The following PCBD2 variants were observed in gnomAD, a reference collection of about 807,000 sequenced individuals.
The protein encoded by PCBD2 is pterin-4-alpha-carbinolamine dehydratase 2.
A neutral mutation model predicts 16.4 loss-of-function variants in PCBD2; 12 were observed. The observed-to-expected ratio is 0.73, with a 90% CI of 0.47 to 1.19. PCBD2 has a LOEUF of 1.19. Ranked by LOEUF, PCBD2 falls within the 50% of genes most tolerant of loss-of-function variation. The pLI, the probability that PCBD2 is intolerant of heterozygous loss-of-function variation, is 0.00. For synonymous variants in PCBD2, 58 were observed against 61.8 expected, an observed-to-expected ratio of 0.94 and a Z score of 0.29; for missense variants, 138 against 156.8, an observed-to-expected ratio of 0.88 and a Z score of 0.64.
chr5:134,947,560 T>C (rs370376297), intron 2 of PCBD2, among the ~76,000 whole-genome samples: 15 of 152,064 alleles, frequency 9.9e-5, no homozygotes, highest in African/African-American at 3.6e-4. Flanking sequence ...GCTAATTTTT[T>C]GTATTTTTAG....
At chr5:134,917,556 C>T (rs1384964176) in intron 2 of PCBD2, among the ~76,000 whole-genome samples, 2 of 152,166 alleles carry the variant, frequency 1.3e-5, no homozygotes, top group South Asian at 2.1e-4. Flanking sequence ...GTGCTTTCTT[C>T]GGTGGGCCTG....
At chr5:134,936,961 A>G (rs1213985095) in intron 2 of PCBD2, among the ~76,000 whole-genome samples, 3 of 152,218 alleles carry the variant, frequency 2.0e-5, no homozygotes, top group African/African-American at 7.2e-5. Context: ...GTATAGGAAA[A>G]ATGGCTATAA....
At chr5:134,910,777 T>C (rs1428549025) in intron 2 of PCBD2, among the ~76,000 whole-genome samples, 4 of 152,118 alleles carry the variant, frequency 2.6e-5, no homozygotes, top group Non-Finnish European at 5.9e-5. Flanking sequence ...TAAAAGAGAG[T>C]GTAAGCCTTT....
intron 2 of PCBD2, among the ~76,000 whole-genome samples, chr5:134,922,977 A>C (rs1016881024): frequency 6.6e-6 from 1 of 152,202 alleles, no homozygotes; most frequent in Non-Finnish European, 1.5e-5. Flanking sequence ...GCCCGGCCCT[A>C]GGAAGGAAAA....
intron 2 of PCBD2, among the ~76,000 whole-genome samples, chr5:134,935,936 T>C (rs73790737): frequency 0.022 from 3,327 of 152,288 alleles, 106 homozygotes; most frequent in African/African-American, 0.069. Context: ...TTGATCTTTC[T>C]GGAGGGAAGT....
At chr5:134,922,507 G>C (rs990526762) in intron 2 of PCBD2, among the ~76,000 whole-genome samples, 1 of 152,118 alleles carries the variant, frequency 6.6e-6, no homozygotes, top group African/African-American at 2.4e-5. Context: ...ACTTACTGTA[G>C]GCTAGACACT....
chr5:134,956,868 C>T (rs1751421344), intron 2 of PCBD2, among the ~76,000 whole-genome samples: 1 of 152,234 alleles, frequency 6.6e-6, no homozygotes, highest in Non-Finnish European at 1.5e-5. Context: ...ATCTCTTATT[C>T]TGTACCAAGT....
chr5:134,960,438 T>G (rs2149542023), intron 3 of PCBD2, 148 bp from the exon 4 acceptor site: 1 of 597,186 alleles, frequency 1.7e-6, no homozygotes, highest in South Asian at 2.4e-5. Context: ...AATGTTTTGC[T>G]TATTCATAAT....
chr5:134,905,158 G>T lies in PCBD2; in HGVS notation c.19G>T (p.Ala7Ser). 1 of 1,222,076 alleles carries T rather than the reference G, an allele frequency of 8.2e-7. No individual in the cohort carries two copies. Among genetic ancestry groups the T allele is most frequent in the Non-Finnish European group, 1.0e-6 (1 of 982,090 alleles). The allele number at this position is 1,222,076 out of a possible 1,614,324, so 75.7% of individuals were successfully genotyped here. A position where few individuals can be genotyped will look rare whatever the true frequency, so the allele number is the denominator to read the frequency against. MAAVLGALGATRRLLAA... is the reference protein window; with the variant it reads MAAVLGSLGATRRLLAA... ...ACGGCCAATGGCGGCGGTGCTCGGG[G>T]CGCTCGGGGCGACGCGGCGCTTGTT... Residue 7 changes from alanine to serine, a missense_variant, in exon 1 of 4, where the codon GCG (alanine) becomes TCG (serine). Ala to Ser is a moderately conservative substitution (Grantham distance 99). Transcript: ENST00000254908.
chr5:134,947,389 A>ATTTTTTTTTTTTTT (rs1220114582), intron 2 of PCBD2, among the ~76,000 whole-genome samples: 1 of 103,068 alleles, frequency 9.7e-6, no homozygotes, highest in Non-Finnish European at 1.9e-5. Flanking sequence ...CCCGGCCTCA[A>ATTTTTTTTTTTTTT]TTTTTTTTTT....
intron 2 of PCBD2, among the ~76,000 whole-genome samples, chr5:134,953,232 T>C (rs1190916154): frequency 2.0e-5 from 3 of 151,810 alleles, no homozygotes; most frequent in African/African-American, 7.2e-5. Flanking sequence ...AATTATGATA[T>C]GGACTGTGTT....
At chr5:134,955,835 A>G (rs1267735454) in intron 2 of PCBD2, among the ~76,000 whole-genome samples, 1 of 152,210 alleles carries the variant, frequency 6.6e-6, no homozygotes, top group Non-Finnish European at 1.5e-5. Context: ...TAAGCAAGTA[A>G]CTAAGACTGT....
chr5:134,918,964 C>T (rs970991711), intron 2 of PCBD2, among the ~76,000 whole-genome samples: 1 of 152,102 alleles, frequency 6.6e-6, no homozygotes, highest in Non-Finnish European at 1.5e-5. Flanking sequence ...TTTGTAAAAG[C>T]GCATGCAACA....
chr5:134,959,385 C>T (rs1162555803), intron 3 of PCBD2, among the ~76,000 whole-genome samples: 2 of 152,082 alleles, frequency 1.3e-5, no homozygotes, highest in Admixed American at 6.6e-5. Flanking sequence ...TGAATTAAAC[C>T]GGAGTATCAG....
intron 2 of PCBD2, among the ~76,000 whole-genome samples, chr5:134,919,480 A>G (rs1175295113): frequency 6.6e-6 from 1 of 152,256 alleles, no homozygotes; most frequent in Non-Finnish European, 1.5e-5. Flanking sequence ...ATGCAGTGAC[A>G]TAAATTTCAT....
chr5:134,907,307 C>A (rs978775902), intron 1 of PCBD2, among the ~76,000 whole-genome samples: 1 of 152,128 alleles, frequency 6.6e-6, no homozygotes, highest in Non-Finnish European at 1.5e-5. Flanking sequence ...TGCAGTGGTG[C>A]GGTCTTGGCG....
intron 2 of PCBD2, among the ~76,000 whole-genome samples, chr5:134,932,895 T>C (rs1419992562): frequency 6.6e-6 from 1 of 152,182 alleles, no homozygotes; most frequent in Non-Finnish European, 1.5e-5. Flanking sequence ...TTAACATTTA[T>C]AGGTCACTCA....
chr5:134,941,080 ACTCGAGCCTGGG>A (rs1470086807), intron 2 of PCBD2, among the ~76,000 whole-genome samples: 1 of 144,238 alleles, frequency 6.9e-6, no homozygotes, highest in Non-Finnish European at 1.5e-5. Flanking sequence ...ACGCCACTGC[ACTCGAGCCTGGG>A]CAATAGAGCG....
At chr5:134,948,704 A>G (rs1751326699) in intron 2 of PCBD2, among the ~76,000 whole-genome samples, 1 of 147,960 alleles carries the variant, frequency 6.8e-6, no homozygotes, top group South Asian at 2.2e-4. Context: ...AATTGCCAAG[A>G]ATAGTGACTT....
Sources: gnomAD v4.1 joint callset for allele counts (sites outside exome capture counted in the v4.1 genomes callset) on GRCh38, gnomAD v4.1.1 for gene constraint, MANE v1.5 for transcripts, NCBI Gene and HGNC (gene_info 2026-07-23, HGNC 2026-07-21) for gene names.